Variants in NCAM2 observed in about 807,000 individuals in gnomAD.
NCAM2 encodes the protein neural cell adhesion molecule 2, also known as N-CAM-2.
NCAM2 carries 30 observed loss-of-function variants against 98.1 expected under a neutral mutation model. The observed-to-expected ratio is 0.31, with a 90% confidence interval of 0.23 to 0.41. The LOEUF is 0.41. Ranked by LOEUF, NCAM2 falls within the 10% of genes least tolerant of loss-of-function variation. The pLI is 1.00. For synonymous variants in NCAM2, 368 were observed against 342.4 expected, an observed-to-expected ratio of 1.07 and a Z score of -0.83; for missense variants, 867 against 1,005.8, an observed-to-expected ratio of 0.86 and a Z score of 1.87.
At chr21:21,266,407 G>T (rs1233726172) in intron 1 of NCAM2, among the ~76,000 whole-genome samples, 4 of 152,004 alleles carry the variant, frequency 2.6e-5, no homozygotes, top group African/African-American at 7.2e-5. Context: ...TCTAATTAGA[G>T]ATATGGCCAT....
chr21:21,328,171 A>G (rs79334813), intron 6 of NCAM2, among the ~76,000 whole-genome samples: 2,638 of 152,290 alleles, frequency 0.017, 76 homozygotes, highest in African/African-American at 0.06. Context: ...CCTATTGTCT[A>G]TTGACATCGC....
At chr21:21,411,134 A>ATATACATATATGTG (rs1555889967) in intron 10 of NCAM2, among the ~76,000 whole-genome samples, 1 of 5,522 alleles carries the variant, frequency 1.8e-4, no homozygotes, top group Non-Finnish European at 3.8e-4. Flanking sequence ...ACACATATAT[A>ATATACATATATGTG]TGTATATATA....
intron 1 of NCAM2, among the ~76,000 whole-genome samples, chr21:21,012,438 A>G (rs1005995545): frequency 6.6e-5 from 10 of 152,114 alleles, no homozygotes; most frequent in African/African-American, 2.4e-4. Flanking sequence ...TCAGTTTAGG[A>G]TGCTTTTAGG....
Position 21,462,328 on chromosome 21 carries a change from G to A in NCAM2, c.1655-4278G>A, listed in dbSNP as rs930140173. Among the ~76,000 whole-genome samples, 5 of 152,088 alleles carry A rather than the reference G, an allele frequency of 3.3e-5. No homozygotes were observed. The East Asian group carries it at 9.6e-4, about 29-fold the overall frequency. On this transcript the variant is annotated intron_variant, in intron 12 of 17. Coordinates refer to ENST00000400546, the MANE Select transcript of NCAM2 (RefSeq NM_004540.5). ...ATGAAGAGAGCCAGGGTTTGAGAAA[G>A]GAAAGAGAACATGAATAAAAATAAT...
At chr21:21,009,343 G>A (rs1175124638) in intron 1 of NCAM2, among the ~76,000 whole-genome samples, 4 of 151,878 alleles carry the variant, frequency 2.6e-5, no homozygotes, top group Admixed American at 1.3e-4. Context: ...ATATATGAAC[G>A]TCTATAAAAT....
intron 4 of NCAM2, among the ~76,000 whole-genome samples, chr21:21,291,120 A>G (rs1237743638): frequency 6.6e-6 from 1 of 151,924 alleles, no homozygotes; most frequent in East Asian, 1.9e-4. Context: ...TACCTGATCA[A>G]AAATCCCAAA....
chr21:21,364,360 A>G (rs577069494), intron 8 of NCAM2, among the ~76,000 whole-genome samples: 3 of 152,096 alleles, frequency 2.0e-5, no homozygotes, highest in Non-Finnish European at 4.4e-5. Flanking sequence ...CCCTTCTTGA[A>G]CTTCTCACCC....
rs34325709 is a variant in NCAM2 at position 21,293,288 on chromosome 21, AT to A, written c.619+1058del. ...TGTTTTCCATGAGAGTGGTGATCTAATTTTTTTTTTTCTTGAATTCATACAA... is the reference window on the plus strand; with the variant it reads ...TGTTTTCCATGAGAGTGGTGATCTAATTTTTTTTTTCTTGAATTCATACAA... On this transcript the variant is annotated intron_variant, in intron 5 of 17. Transcript: ENST00000400546. 3.4e-3 allele frequency among the ~76,000 whole-genome samples: 510 copies of A among 149,136 alleles called. 2 individuals are homozygous for A. The highest frequency in any genetic ancestry group is 9.9e-3 in the African/African-American group (405 of 40,742).
intron 8 of NCAM2, among the ~76,000 whole-genome samples, chr21:21,339,184 T>G (rs1011415548): frequency 6.6e-6 from 1 of 152,072 alleles, no homozygotes; most frequent in African/African-American, 2.4e-5. Flanking sequence ...AAAGAGTAAT[T>G]TAAATTCAAA....
intron 1 of NCAM2, among the ~76,000 whole-genome samples, chr21:21,132,964 C>G (rs2066966718): frequency 6.6e-6 from 1 of 152,096 alleles, no homozygotes; most frequent in South Asian, 2.1e-4. Flanking sequence ...ATCACTTATA[C>G]ATAGATCCTT....
At chr21:21,525,569 G>A (rs1367661889) in intron 16 of NCAM2, among the ~76,000 whole-genome samples, 1 of 152,048 alleles carries the variant, frequency 6.6e-6, no homozygotes, top group African/African-American at 2.4e-5. Flanking sequence ...AAGTTCACTG[G>A]TGAATTCTAC....
intron 12 of NCAM2, among the ~76,000 whole-genome samples, chr21:21,442,968 T>C (rs1203041279): frequency 1.3e-5 from 2 of 152,186 alleles, no homozygotes; most frequent in African/African-American, 2.4e-5. Flanking sequence ...ACTGGATTAC[T>C]TTAACTATAC....
At chr21:21,101,731 A>C (rs993829786) in intron 1 of NCAM2, among the ~76,000 whole-genome samples, 3 of 152,110 alleles carry the variant, frequency 2.0e-5, no homozygotes, top group African/African-American at 7.2e-5. Context: ...TGAGGTAACC[A>C]GAAGAATAAA....
chr21:21,195,475 T>C (rs1011607059), intron 1 of NCAM2, among the ~76,000 whole-genome samples: 1 of 152,202 alleles, frequency 6.6e-6, no homozygotes, highest in Non-Finnish European at 1.5e-5. Flanking sequence ...GCATTCTTCT[T>C]TTCAGCATCA....
chr21:21,153,720 C>T (rs550079771), intron 1 of NCAM2, among the ~76,000 whole-genome samples: 2 of 151,754 alleles, frequency 1.3e-5, no homozygotes, highest in Admixed American at 1.3e-4. Context: ...TTGAATATAA[C>T]TTGGGTCAAA....
intron 1 of NCAM2, among the ~76,000 whole-genome samples, chr21:21,182,278 T>G (rs2068503204): frequency 6.6e-6 from 1 of 152,144 alleles, no homozygotes; most frequent in South Asian, 2.1e-4. Context: ...AGTGTTAAAT[T>G]CCACAAGAGC....
At chr21:21,274,799 T>G (rs1176314647) in intron 1 of NCAM2, among the ~76,000 whole-genome samples, 1 of 152,158 alleles carries the variant, frequency 6.6e-6, no homozygotes, top group African/African-American at 2.4e-5. Context: ...TTAAGTTATC[T>G]CCACATGTCT....
chr21:21,080,673 A>G (rs1309053547), intron 1 of NCAM2, among the ~76,000 whole-genome samples: 2 of 146,576 alleles, frequency 1.4e-5, no homozygotes, highest in Admixed American at 6.8e-5. Flanking sequence ...AAAAAAAAAA[A>G]AAAAAAACCA....
intron 9 of NCAM2, among the ~76,000 whole-genome samples, chr21:21,395,374 A>G (rs2076480667): frequency 1.3e-5 from 2 of 152,188 alleles, no homozygotes; most frequent in Admixed American, 1.3e-4. Flanking sequence ...TTTTTAAATT[A>G]GGGAGATAGA....
Sources: gnomAD v4.1 joint callset for allele counts (sites outside exome capture counted in the v4.1 genomes callset) on GRCh38, gnomAD v4.1.1 for gene constraint, MANE v1.5 for transcripts, NCBI Gene and HGNC (gene_info 2026-07-23, HGNC 2026-07-21) for gene names.